Variants in CCSER1 observed in about 807,000 individuals in gnomAD.
CCSER1 encodes coiled-coil serine rich protein 1.
A neutral mutation model predicts 82.0 loss-of-function variants in CCSER1; 41 were observed. That is an observed-to-expected ratio of 0.50 (90% confidence interval 0.39 to 0.65). CCSER1 has a LOEUF of 0.65. Among genes scored for constraint, CCSER1 ranks in the 30% least tolerant of loss-of-function variants. The probability of loss-of-function intolerance (pLI) is 0.00; values close to 1 mark genes in which losing one functional copy is unlikely to be tolerated. For missense variants in CCSER1, 1,119 were observed against 1,064.2 expected (o/e 1.05, Z -0.72); for synonymous variants, 414 against 383.9 (o/e 1.08, Z -0.92).
chr4:90,263,402 G>A (rs1165231448), intron 1 of CCSER1, among the ~76,000 whole-genome samples: 1 of 152,206 alleles, frequency 6.6e-6, no homozygotes, highest in African/African-American at 2.4e-5. Flanking sequence ...CTCTGATGGA[G>A]GTGGCAGGGG....
intron 9 of CCSER1, among the ~76,000 whole-genome samples, chr4:90,942,885 T>G (rs1244741297): frequency 1.3e-4 from 19 of 147,796 alleles, no homozygotes; most frequent in African/African-American, 4.2e-4. Flanking sequence ...ATATGTATGA[T>G]ATATAGAATT....
intron 10 of CCSER1, among the ~76,000 whole-genome samples, chr4:91,234,544 A>G (rs534224097): frequency 6.6e-6 from 1 of 152,240 alleles, no homozygotes; most frequent in East Asian, 1.9e-4. Context: ...CTTGTTAGAA[A>G]GCATAAACTA....
chr4:90,542,732 T>A (rs1560690498), intron 5 of CCSER1, among the ~76,000 whole-genome samples: 1 of 152,100 alleles, frequency 6.6e-6, no homozygotes, highest in Non-Finnish European at 1.5e-5. Flanking sequence ...TTTTTAAAAG[T>A]CAATTTTTAT....
At chr4:90,251,647 A>G (rs1392759513) in intron 1 of CCSER1, among the ~76,000 whole-genome samples, 1 of 151,700 alleles carries the variant, frequency 6.6e-6, no homozygotes, top group African/African-American at 2.4e-5. Flanking sequence ...GATTTTATAT[A>G]TAAAATAATA....
At chr4:90,942,588 T>C (rs2150331803) in intron 9 of CCSER1, among the ~76,000 whole-genome samples, 1 of 152,198 alleles carries the variant, frequency 6.6e-6, no homozygotes, top group African/African-American at 2.4e-5. Context: ...ATTTGTAAAC[T>C]TGTGGTCACG....
chr4:90,361,125 AATCT>A (rs1561095163), intron 3 of CCSER1, among the ~76,000 whole-genome samples: 2 of 152,208 alleles, frequency 1.3e-5, no homozygotes, highest in Non-Finnish European at 2.9e-5. Context: ...AAGAAATGAC[AATCT>A]ATATTTTTTC....
At chr4:90,243,204 C>T (rs1340231157) in intron 1 of CCSER1, among the ~76,000 whole-genome samples, 1 of 151,810 alleles carries the variant, frequency 6.6e-6, no homozygotes, top group Non-Finnish European at 1.5e-5. Context: ...GCTAGGACTA[C>T]AAGTGCACAT....
chr4:90,837,264 TAAC>T (rs1761923362), intron 8 of CCSER1, among the ~76,000 whole-genome samples: 1 of 152,142 alleles, frequency 6.6e-6, no homozygotes, highest in African/African-American at 2.4e-5. Flanking sequence ...TTAACAAAGT[TAAC>T]AAAAAACAAA....
At chr4:90,597,935 T>C (rs1288447987) in intron 5 of CCSER1, among the ~76,000 whole-genome samples, 1 of 152,176 alleles carries the variant, frequency 6.6e-6, no homozygotes, top group African/African-American at 2.4e-5. Context: ...CGTAATGTCT[T>C]TCCAGTCCAT....
At chr4:90,336,612 A>G (rs963008099) in intron 3 of CCSER1, among the ~76,000 whole-genome samples, 1 of 152,192 alleles carries the variant, frequency 6.6e-6, no homozygotes, top group Non-Finnish European at 1.5e-5. Context: ...GAGAAGAACT[A>G]CAAATCAGCT....
intron 1 of CCSER1, among the ~76,000 whole-genome samples, chr4:90,260,949 C>T (rs539349651): frequency 2.7e-4 from 41 of 152,252 alleles, no homozygotes; most frequent in Non-Finnish European, 5.0e-4. Context: ...CTCCTGACCT[C>T]AAGTGATCTG....
In CCSER1 at chr4:90,262,347, T is replaced by A. The variant is rs545365294; in HGVS notation, c.-41-45897T>A. On this transcript the variant is annotated intron_variant, in intron 1 of 10. Transcript: ENST00000509176. The stretch of plus-strand genomic sequence containing the variant: ...CTTTTAGGGCTGAAGACTGTATGAG[T>A]TCGTTTGTTACAGAGTCTTTGTGTG... Among the ~76,000 whole-genome samples, 5 of 152,250 alleles carry A rather than the reference T, an allele frequency of 3.3e-5. No individual in the cohort carries two copies. In the South Asian group the frequency reaches 1.0e-3, roughly 32 times the overall value.
chr4:91,278,424 T>C (rs562498178), intron 10 of CCSER1, among the ~76,000 whole-genome samples: 21 of 152,260 alleles, frequency 1.4e-4, no homozygotes, highest in African/African-American at 4.8e-4. Flanking sequence ...CCTTTAATCA[T>C]TATATAATGA....
chr4:90,322,110 T>C (rs1737251694), intron 3 of CCSER1, among the ~76,000 whole-genome samples: 1 of 152,136 alleles, frequency 6.6e-6, no homozygotes, highest in Admixed American at 6.6e-5. Flanking sequence ...GTTCCATAGT[T>C]TGAGGTCTTA....
chr4:90,284,261 C>G (rs996942122), intron 1 of CCSER1, among the ~76,000 whole-genome samples: 1 of 152,050 alleles, frequency 6.6e-6, no homozygotes, highest in African/African-American at 2.4e-5. Context: ...TATATTCTCC[C>G]ACTATGTGGG....
intron 1 of CCSER1, among the ~76,000 whole-genome samples, chr4:90,189,873 A>G (rs1289961958): frequency 2.0e-5 from 3 of 152,000 alleles, no homozygotes; most frequent in Non-Finnish European, 4.4e-5. Context: ...TCAATATAGT[A>G]TGAGTTTTGT....
intron 9 of CCSER1, among the ~76,000 whole-genome samples, chr4:91,077,754 C>T (rs995995084): frequency 6.6e-6 from 1 of 152,230 alleles, no homozygotes; most frequent in Admixed American, 6.5e-5. Context: ...CCCAATACTG[C>T]ACTTTTCCAA....
intron 10 of CCSER1, among the ~76,000 whole-genome samples, chr4:91,332,131 A>AT (rs1747001179): frequency 6.6e-6 from 1 of 152,116 alleles, no homozygotes; most frequent in Non-Finnish European, 1.5e-5. Flanking sequence ...TCGAATGCTC[A>AT]TTAAAAACTA....
intron 5 of CCSER1, among the ~76,000 whole-genome samples, chr4:90,609,779 T>C (rs1785207869): frequency 6.6e-6 from 1 of 152,194 alleles, no homozygotes; most frequent in African/African-American, 2.4e-5. Flanking sequence ...TTTAGATAAA[T>C]GCAACCCAGT....
Sources: gnomAD v4.1 joint callset for allele counts (sites outside exome capture counted in the v4.1 genomes callset) on GRCh38, gnomAD v4.1.1 for gene constraint, MANE v1.5 for transcripts, NCBI Gene and HGNC (gene_info 2026-07-23, HGNC 2026-07-21) for gene names.